The following C9orf72 variants were observed in gnomAD, a reference collection of about 807,000 sequenced individuals.
C9orf72 encodes the protein guanine nucleotide exchange factor C9orf72.
A neutral mutation model predicts 51.6 loss-of-function variants in C9orf72; 44 were observed. That is an observed-to-expected ratio of 0.85 (90% CI 0.67 to 1.10). The LOEUF (loss-of-function observed/expected upper bound fraction) is 1.10, where lower values mean the gene tolerates loss of function less well. C9orf72 is among the 50% of genes least tolerant of loss of function. The pLI, the probability that C9orf72 is intolerant of heterozygous loss-of-function variation, is 0.00. For missense variants in C9orf72, 607 were observed against 570.6 expected (o/e 1.06, Z -0.65); for synonymous variants, 213 against 194.2 (o/e 1.10, Z -0.81).
chr9:27,565,558 T>C lies in C9orf72; in HGVS notation c.477A>G (p.Leu159=), dbSNP rs374411112. Reference sequence around the variant, plus strand: ...GATCTTCCATTCTCTCTGTGCCTTCTAAGATAATCTTCTGGACATTTTCTT... The same window carrying C: ...GATCTTCCATTCTCTCTGTGCCTTCCAAGATAATCTTCTGGACATTTTCTT... ...ERQENVQKII[L]EGTERMEDQG... is the part of the protein sequence containing the mutation. Residue 159 remains leucine (L), a synonymous_variant, in exon 3 of 11, where the codon TTA becomes TTG. Coordinates refer to ENST00000380003, the MANE Select transcript of C9orf72 (RefSeq NM_018325.5). The C allele has an allele frequency of 1.7e-4, 276 of 1,606,610 alleles. No individual in the cohort carries two copies. Among genetic ancestry groups the C allele is most frequent in the Non-Finnish European group, 2.2e-4 (262 of 1,175,542 alleles).
rs1295458407 is a variant in C9orf72 at position 27,548,394 on chromosome 9, G to A, written c.1288C>T (p.Leu430Phe). Residue 430 changes from leucine (L) to phenylalanine (F), a missense_variant, in exon 11 of 11, where the codon CTT (leucine) becomes TTT (phenylalanine). By Grantham distance (22) the Leu-to-Phe change is conservative. Transcript: ENST00000380003. ...TQKGKKPFKSLRNLKIDLDLT... is the reference protein window; with the variant it reads ...TQKGKKPFKSFRNLKIDLDLT... The stretch of plus-strand genomic sequence containing the variant: ...TCAAGGTCTATCTTCAGGTTCCGAA[G>A]AGATTTAAAGGGCTTTTTTCCCTTC... The A allele has an allele frequency of 1.9e-6, 2 of 1,077,840 alleles. No individual in the cohort carries two copies. Among genetic ancestry groups the A allele is most frequent in the Middle Eastern group, 2.4e-4 (1 of 4,086 alleles). The allele number at this position is 1,077,840 out of a possible 1,614,324, so 66.8% of individuals were successfully genotyped here. A position where few individuals can be genotyped will look rare whatever the true frequency, so the allele number is the denominator to read the frequency against.
chr9:27,566,649 A>G, intron 2 of C9orf72, 28 bp downstream of exon 2: 4 of 1,493,600 alleles, frequency 2.7e-6, no homozygotes, highest in Non-Finnish European at 3.6e-6. Flanking sequence ...ATAGGTTAAC[A>G]TGATTAATAA....
chr9:27,561,646 C>G lies in C9orf72; in HGVS notation c.604G>C (p.Ala202Pro), dbSNP rs778655311. ...SHSVPEEIDI[A>P]DTVLNDDDIG... ...TCATCATCATTGAGTACTGTATCAGCTATCTAAAATGCATCAAAAAATAAA... is the reference window on the plus strand; with the variant it reads ...TCATCATCATTGAGTACTGTATCAGGTATCTAAAATGCATCAAAAAATAAA... Residue 202 changes from alanine to proline, a missense_variant, in exon 5 of 11, where the codon GCT (alanine) becomes CCT (proline). Transcript: ENST00000380003. 4 of 1,592,202 alleles carry G rather than the reference C, an allele frequency of 2.5e-6. No homozygotes were observed. In the South Asian group the frequency reaches 3.4e-5, roughly 13 times the overall value.
intron 1 of C9orf72, among the ~76,000 whole-genome samples, chr9:27,572,372 T>C (rs1365141742): frequency 6.6e-6 from 1 of 152,190 alleles, no homozygotes; most frequent in African/African-American, 2.4e-5. Context: ...AGGTTATTAA[T>C]ATCCCCTATA....
intron 1 of C9orf72, among the ~76,000 whole-genome samples, chr9:27,572,998 C>T (rs1050623191): frequency 5.9e-5 from 9 of 152,194 alleles, no homozygotes; most frequent in African/African-American, 2.2e-4. Flanking sequence ...CAGGGACCGT[C>T]TCGGGTTCCT....
At position 27,547,376 on chromosome 9, in the gene C9orf72, A is replaced by G. The variant is rs149684050; in HGVS notation, c.*860T>C. ...TTAGCAAGAAGAAAACAAGATGAAA[A>G]TGACTGACCAGTGAAATCTGAACTT... On this transcript the variant is annotated 3_prime_UTR_variant, in exon 11 of 11. Coordinates refer to ENST00000380003, the MANE Select transcript of C9orf72 (RefSeq NM_018325.5). 2.2e-4 allele frequency: 34 copies of G among 152,804 alleles called. No individual in the cohort carries two copies. The highest frequency in any genetic ancestry group is 8.2e-4 in the African/African-American group (34 of 41,594). 9.5% of individuals were successfully genotyped at this position (152,804 alleles called of 1,614,324 possible). A position where few individuals can be genotyped will look rare whatever the true frequency, so the allele number is the denominator to read the frequency against.
At position 27,562,423 on chromosome 9, in the gene C9orf72, C is replaced by T; in HGVS notation, c.558G>A (p.Leu186=). ...LTGEVIPVME[L]LSSMKSHSVP... The stretch of plus-strand genomic sequence containing the variant: ...CACTGTGTGATTTCATAGATGAAAG[C>T]AGTTCCATTACAGGAATCACTTCTC... The change falls in exon 4 of 11, where the codon CTG becomes CTA. Residue 186 remains leucine, a synonymous_variant. Transcript: ENST00000380003. The T allele has an allele frequency of 1.9e-6, 3 of 1,595,954 alleles. No individual in the cohort carries two copies. The highest frequency in any genetic ancestry group is 1.7e-6 in the Non-Finnish European group (2 of 1,170,358).
intron 6 of C9orf72, chr9:27,559,478 A>C (rs1819289623): frequency 6.6e-6 from 1 of 152,036 alleles, no homozygotes; most frequent in Admixed American, 6.6e-5. Flanking sequence ...GAGAAATATA[A>C]ATTAAGGCTC....
Position 27,556,841 on chromosome 9 carries a change from T to C in C9orf72, c.856-45A>G, listed in dbSNP as rs766966591. The C allele has an allele frequency of 4.9e-6, 6 of 1,228,512 alleles. No individual in the cohort carries two copies. The Admixed American group carries it at 5.4e-5, about 11-fold the overall frequency. 76.1% of individuals were successfully genotyped at this position (1,228,512 alleles called of 1,614,324 possible). A position where few individuals can be genotyped will look rare whatever the true frequency, so the allele number is the denominator to read the frequency against. ...ATTTACTGTCTTACATGCCAAACGA[T>C]ATGAATAATTGTTTTTTAATTTTAA... On this transcript the variant is annotated intron_variant, in intron 7 of 10. Coordinates refer to ENST00000380003, the MANE Select transcript of C9orf72 (RefSeq NM_018325.5).
At chr9:27,549,806 G>C (rs1309075132) in intron 9 of C9orf72, among the ~76,000 whole-genome samples, 3 of 150,040 alleles carry the variant, frequency 2.0e-5, no homozygotes, top group South Asian at 2.1e-4. Context: ...ACTTGTTATA[G>C]GTTAATGCTT....
intron 1 of C9orf72, among the ~76,000 whole-genome samples, chr9:27,569,239 A>G (rs1053476138): frequency 2.0e-5 from 3 of 152,186 alleles, no homozygotes; most frequent in Non-Finnish European, 4.4e-5. Context: ...AAAAGTTATA[A>G]TTTTTTATTG....
At chr9:27,569,983 ATAT>A (rs527560581) in intron 1 of C9orf72, among the ~76,000 whole-genome samples, 125 of 152,366 alleles carry the variant, frequency 8.2e-4, no homozygotes, top group African/African-American at 2.9e-3. Context: ...TGCTTTTATC[ATAT>A]TATGAGTAGG....
intron 7 of C9orf72, among the ~76,000 whole-genome samples, chr9:27,558,053 TTC>T (rs2131535546): frequency 6.7e-6 from 1 of 149,686 alleles, no homozygotes; most frequent in African/African-American, 2.4e-5. Flanking sequence ...TACAATTTTT[TTC>T]TAATATATAT....
chr9:27,552,038 A>C (rs995818598), intron 8 of C9orf72, among the ~76,000 whole-genome samples: 12 of 152,172 alleles, frequency 7.9e-5, no homozygotes, highest in African/African-American at 2.9e-4. Context: ...CAGATTTAGG[A>C]GTTTCTGGGC....
At chr9:27,568,269 A>G (rs1819514178) in intron 1 of C9orf72, among the ~76,000 whole-genome samples, 1 of 152,174 alleles carries the variant, frequency 6.6e-6, no homozygotes, top group Non-Finnish European at 1.5e-5. Flanking sequence ...TATGCTAGCC[A>G]AGAAACCAAT....
At position 27,562,479 on chromosome 9, in the gene C9orf72, G is replaced by A; in HGVS notation, c.505-3C>T. The A allele has an allele frequency of 6.7e-7, 1 of 1,499,382 alleles. No homozygotes were observed. The highest frequency in any genetic ancestry group is 9.0e-7 in the Non-Finnish European group (1 of 1,106,636). The allele number at this position is 1,499,382 out of a possible 1,614,324, so 92.9% of individuals were successfully genotyped here. A position where few individuals can be genotyped will look rare whatever the true frequency, so the allele number is the denominator to read the frequency against. On this transcript the variant is annotated splice_polypyrimidine_tract_variant and splice_region_variant and intron_variant, in intron 3 of 10. Coordinates refer to ENST00000380003, the MANE Select transcript of C9orf72 (RefSeq NM_018325.5). ...AGCATTGGAATAATACTCTGACCCT[G>A]CACAATAAAGTGACATGAAGTGAAG...
Position 27,547,667 on chromosome 9 carries a change from A to C in C9orf72, c.*569T>G, listed in dbSNP as rs1302500400. On this transcript the variant is annotated 3_prime_UTR_variant, in exon 11 of 11. Transcript: ENST00000380003. Reference sequence around the variant, plus strand: ...TTCTACAGACTGAATCCCAGGGACTAAATCCACAAAGTAGGATCTAATAAT... The same window carrying C: ...TTCTACAGACTGAATCCCAGGGACTCAATCCACAAAGTAGGATCTAATAAT... 6.6e-6 allele frequency: 1 copy of C among 152,556 alleles called. No individual in the cohort carries two copies. Among genetic ancestry groups the C allele is most frequent in the South Asian group, 2.1e-4 (1 of 4,838 alleles). The allele number at this position is 152,556 out of a possible 1,614,324, so 9.5% of individuals were successfully genotyped here.
chr9:27,551,727 G>A (rs1563899209), intron 8 of C9orf72, among the ~76,000 whole-genome samples: 1 of 152,058 alleles, frequency 6.6e-6, no homozygotes, highest in African/African-American at 2.4e-5. Context: ...AGAGAATAAG[G>A]CTTATATTTA....
At chr9:27,562,340 A>G (rs1475972358) in intron 4 of C9orf72, 41 bp downstream of exon 4, 1 of 1,026,406 alleles carries the variant, frequency 9.7e-7, no homozygotes, top group Non-Finnish European at 1.4e-6. Flanking sequence ...TATAACCCCA[A>G]AAAACTCATA....
Sources: allele counts gnomAD v4.1 joint callset (sites outside exome capture counted in the v4.1 genomes callset), GRCh38; gene constraint gnomAD v4.1.1; transcripts MANE v1.5; gene names NCBI Gene and HGNC (gene_info 2026-07-23, HGNC 2026-07-21).